The following RALGPS1 variants were observed in gnomAD, a reference collection of about 807,000 sequenced individuals.
RALGPS1 encodes the protein ras-specific guanine nucleotide-releasing factor RalGPS1.
In RALGPS1, 19 loss-of-function variants were observed where a neutral mutation model predicts 78.8. That is an observed-to-expected ratio of 0.24 (90% CI 0.17 to 0.35). The LOEUF (loss-of-function observed/expected upper bound fraction) is 0.35. RALGPS1 is among the 10% of genes least tolerant of loss of function. The pLI is 1.00. For synonymous variants in RALGPS1, 228 were observed against 256.3 expected (o/e 0.89, Z 1.06); for missense variants, 454 against 688.3 (o/e 0.66, Z 3.81).
chr9:127,061,825 C>T (rs1056490198), intron 7 of RALGPS1, among the ~76,000 whole-genome samples: 5 of 152,094 alleles, frequency 3.3e-5, no homozygotes, highest in African/African-American at 4.8e-5. Context: ...TATTTGGTGC[C>T]TGACTCTCTG....
chr9:126,964,440 G>T (rs1034477974), intron 2 of RALGPS1, among the ~76,000 whole-genome samples: 2 of 151,556 alleles, frequency 1.3e-5, no homozygotes, highest in African/African-American at 4.9e-5. Flanking sequence ...TGGGGATGGA[G>T]GCAGATTCTG....
chr9:127,148,736 A>G (rs1171687192), intron 8 of RALGPS1, among the ~76,000 whole-genome samples: 1 of 152,192 alleles, frequency 6.6e-6, no homozygotes, highest in African/African-American at 2.4e-5. Flanking sequence ...TTCCCCAAAC[A>G]AGAGAGTCCA....
chr9:127,039,753 A>G (rs2047134562), intron 5 of RALGPS1, among the ~76,000 whole-genome samples: 1 of 152,072 alleles, frequency 6.6e-6, no homozygotes, highest in Non-Finnish European at 1.5e-5. Flanking sequence ...AAGGAGAGTG[A>G]TGGCTTTTCT....
chr9:127,163,718 T>A (rs953026255), intron 8 of RALGPS1, among the ~76,000 whole-genome samples: 5 of 152,250 alleles, frequency 3.3e-5, no homozygotes, highest in African/African-American at 1.2e-4. Context: ...CTCTCTGAGT[T>A]TCCTTTTCCT....
At chr9:127,164,534 CTTTTTTTTTTTT>C (rs1160251459) in intron 8 of RALGPS1, among the ~76,000 whole-genome samples, 1 of 62,766 alleles carries the variant, frequency 1.6e-5, no homozygotes, top group Non-Finnish European at 2.7e-5. Context: ...CATGCCTGGC[CTTTTTTTTTTTT>C]TTTTTTTTTT....
At chr9:127,202,236 CTA>C (rs2140813971) in intron 14 of RALGPS1, among the ~76,000 whole-genome samples, 1 of 152,340 alleles carries the variant, frequency 6.6e-6, no homozygotes, top group South Asian at 2.1e-4. Context: ...ACCTTCATCA[CTA>C]AGAATGCCAC....
intron 8 of RALGPS1, among the ~76,000 whole-genome samples, chr9:127,133,564 C>T (rs1194219413): frequency 6.6e-6 from 1 of 152,214 alleles, no homozygotes; most frequent in African/African-American, 2.4e-5. Flanking sequence ...CACCCTGCCA[C>T]CCACTCACCC....
intron 4 of RALGPS1, among the ~76,000 whole-genome samples, chr9:127,002,459 A>G (rs1027271829): frequency 3.6e-4 from 26 of 73,092 alleles, no homozygotes; most frequent in Middle Eastern, 7.0e-3. Context: ...TTTTTTTTTT[A>G]TTATACTTTA....
intron 14 of RALGPS1, among the ~76,000 whole-genome samples, 185 bp downstream of exon 14, chr9:127,199,251 C>T (rs2061494171): frequency 6.6e-6 from 1 of 152,098 alleles, no homozygotes; most frequent in Non-Finnish European, 1.5e-5. Context: ...AGGATGGTTG[C>T]TGGGGCCCCA....
chr9:127,055,042 G>T (rs893611599), intron 7 of RALGPS1, among the ~76,000 whole-genome samples: 6 of 126,162 alleles, frequency 4.8e-5, no homozygotes, highest in Admixed American at 1.6e-4. Flanking sequence ...AGAGAGAGAA[G>T]AAATCTCCTT....
chr9:127,180,720 A>G (rs1323924838), intron 11 of RALGPS1, among the ~76,000 whole-genome samples: 1 of 152,206 alleles, frequency 6.6e-6, no homozygotes, highest in Non-Finnish European at 1.5e-5. Flanking sequence ...GCATACCAGT[A>G]CTGCTGTCAC....
chr9:127,076,712 G>A (rs1352890498), intron 8 of RALGPS1, among the ~76,000 whole-genome samples: 1 of 152,182 alleles, frequency 6.6e-6, no homozygotes, highest in Non-Finnish European at 1.5e-5. Context: ...CACCACCCCT[G>A]CCCTCATGGA....
chr9:127,184,322 GA>G (rs1339192496), intron 11 of RALGPS1: 16,241 of 213,366 alleles, frequency 0.076, 137 homozygotes, highest in South Asian at 0.12. Flanking sequence ...CTTGTCTCAG[GA>G]AAAAAAAAAA....
intron 8 of RALGPS1, among the ~76,000 whole-genome samples, chr9:127,086,648 C>A (rs2051776030): frequency 2.0e-5 from 3 of 152,124 alleles, no homozygotes; most frequent in African/African-American, 7.2e-5. Flanking sequence ...CAATATTTGC[C>A]TTTTAATCTT....
At chr9:127,203,035 A>G (rs549369392) in intron 14 of RALGPS1, among the ~76,000 whole-genome samples, 1 of 152,364 alleles carries the variant, frequency 6.6e-6, no homozygotes, top group African/African-American at 2.4e-5. Context: ...AGCAGCAGTA[A>G]TGGATAACAG....
intron 8 of RALGPS1, among the ~76,000 whole-genome samples, chr9:127,102,103 A>C (rs978311555): frequency 1.3e-5 from 2 of 152,176 alleles, no homozygotes; most frequent in African/African-American, 2.4e-5. Context: ...TCCCATCAAG[A>C]GGTCTCTGCT....
chr9:127,208,431 T>C (rs1279291822), intron 14 of RALGPS1, among the ~76,000 whole-genome samples: 1 of 152,162 alleles, frequency 6.6e-6, no homozygotes, highest in East Asian at 1.9e-4. Flanking sequence ...TCTCACAGTG[T>C]GGTGAGGAAC....
rs1254974277 is a variant in RALGPS1, at chr9:127,166,019, C to G, written c.611-50C>G. ...CAGTACTATTTTGTGCTATTTTGTT[C>G]TGGTTTGTGGTAAGCTCCTTCCATC... is the stretch of plus-strand genomic sequence containing the variant. On this transcript the variant is annotated intron_variant, in intron 8 of 18. Transcript: ENST00000259351. 4 of 1,559,376 alleles carry G rather than the reference C, an allele frequency of 2.6e-6. No homozygotes were observed. In the African/African-American group the frequency reaches 5.5e-5, roughly 21 times the overall value.
chr9:127,066,352 G>A (rs772618540), intron 7 of RALGPS1, among the ~76,000 whole-genome samples: 4 of 152,172 alleles, frequency 2.6e-5, no homozygotes, highest in Non-Finnish European at 5.9e-5. Flanking sequence ...CAACGGAGCA[G>A]TTCTTTGGCC....
Sources: allele counts gnomAD v4.1 joint callset (sites outside exome capture counted in the v4.1 genomes callset), GRCh38; gene constraint gnomAD v4.1.1; transcripts MANE v1.5; gene names NCBI Gene and HGNC (gene_info 2026-07-23, HGNC 2026-07-21).